The following B3GALT1 variants were observed in gnomAD, a reference collection of about 807,000 sequenced individuals.
B3GALT1 encodes the protein beta-1,3-galactosyltransferase 1.
A neutral mutation model predicts 23.2 loss-of-function variants in B3GALT1; 10 were observed. The observed-to-expected ratio is 0.43, with a 90% CI of 0.27 to 0.73. The LOEUF (loss-of-function observed/expected upper bound fraction) is 0.73, where lower values mean the gene tolerates loss of function less well. Ranked by LOEUF, B3GALT1 falls within the 30% of genes least tolerant of loss-of-function variation. The pLI, the probability that B3GALT1 is intolerant of heterozygous loss-of-function variation, is 0.21. For synonymous variants in B3GALT1, 156 were observed against 141.5 expected (o/e 1.10, Z -0.73); for missense variants, 299 against 405.4 (o/e 0.74, Z 2.25).
intron 2 of B3GALT1, among the ~76,000 whole-genome samples, chr2:167,575,276 G>A (rs929517733): frequency 2.0e-5 from 3 of 151,578 alleles, no homozygotes; most frequent in Admixed American, 6.6e-5. Context: ...TTACAGTCTG[G>A]GCTTAAGCCT....
chr2:167,446,439 G>C (rs956671960), intron 1 of B3GALT1, among the ~76,000 whole-genome samples: 4 of 152,170 alleles, frequency 2.6e-5, no homozygotes, highest in Non-Finnish European at 5.9e-5. Context: ...AGTTCTCCTG[G>C]ATAATATCGT....
intron 2 of B3GALT1, among the ~76,000 whole-genome samples, chr2:167,540,108 T>C (rs1025843977): frequency 1.3e-5 from 2 of 152,234 alleles, no homozygotes; most frequent in Admixed American, 1.3e-4. Context: ...CCCAAGAGAA[T>C]TCTGCATATT....
chr2:167,721,438 A>T (rs553539637), intron 3 of B3GALT1, among the ~76,000 whole-genome samples: 20 of 152,342 alleles, frequency 1.3e-4, no homozygotes, highest in Admixed American at 1.1e-3. Context: ...CAGAAACAGA[A>T]AATAGCCATA....
chr2:167,622,432 A>G (rs1212097737), intron 2 of B3GALT1, among the ~76,000 whole-genome samples: 5 of 152,136 alleles, frequency 3.3e-5, no homozygotes, highest in Non-Finnish European at 7.4e-5. Flanking sequence ...ACAAAAGGCA[A>G]TGCCCTGAGG....
intron 4 of B3GALT1, among the ~76,000 whole-genome samples, chr2:167,827,675 T>C (rs915116807): frequency 1.3e-5 from 2 of 152,178 alleles, no homozygotes; most frequent in Non-Finnish European, 2.9e-5. Context: ...TGGCCTCGGA[T>C]GCTCTATATC....
At chr2:167,580,716 G>C (rs1684469564) in intron 2 of B3GALT1, among the ~76,000 whole-genome samples, 1 of 152,114 alleles carries the variant, frequency 6.6e-6, no homozygotes, top group African/African-American at 2.4e-5. Context: ...CCAACATCCA[G>C]GATGAAGGAA....
chr2:167,370,496 C>CA (rs1437058488), intron 1 of B3GALT1, among the ~76,000 whole-genome samples: 1 of 152,168 alleles, frequency 6.6e-6, no homozygotes, highest in Admixed American at 6.5e-5. Flanking sequence ...CCAGCATACA[C>CA]AGACGCAGGC....
chr2:167,714,197 T>C (rs1687106910), intron 3 of B3GALT1: 1 of 1,513,708 alleles, frequency 6.6e-7, no homozygotes, highest in South Asian at 1.1e-5. Flanking sequence ...AAATCTGTCT[T>C]CCCTTTGTGG....
intron 1 of B3GALT1, among the ~76,000 whole-genome samples, chr2:167,400,399 CT>C (rs2105288672): frequency 6.6e-6 from 1 of 152,062 alleles, no homozygotes; most frequent in East Asian, 1.9e-4. Flanking sequence ...TGAATAAATT[CT>C]ATTCATTTTT....
At chr2:167,434,606 C>T (rs1308743625) in intron 1 of B3GALT1, among the ~76,000 whole-genome samples, 1 of 151,686 alleles carries the variant, frequency 6.6e-6, no homozygotes, top group East Asian at 1.9e-4. Flanking sequence ...ATAAATCGTC[C>T]CCAGTTTATA....
chr2:167,644,003 G>A (rs1031518908), intron 2 of B3GALT1, among the ~76,000 whole-genome samples: 1 of 152,104 alleles, frequency 6.6e-6, no homozygotes, highest in African/African-American at 2.4e-5. Context: ...GATTAGCAGT[G>A]CAGACAAGAG....
chr2:167,634,739 C>T (rs1685517423), intron 2 of B3GALT1, among the ~76,000 whole-genome samples: 1 of 152,042 alleles, frequency 6.6e-6, no homozygotes, highest in South Asian at 2.1e-4. Flanking sequence ...AATCCCAGGT[C>T]CAGATGGATT....
At chr2:167,300,179 A>G (rs1696422715) in intron 1 of B3GALT1, among the ~76,000 whole-genome samples, 2 of 152,330 alleles carry the variant, frequency 1.3e-5, no homozygotes, top group South Asian at 4.1e-4. Flanking sequence ...TGCTGGGATT[A>G]CAGGCATGAG....
intron 1 of B3GALT1, among the ~76,000 whole-genome samples, chr2:167,426,331 G>A (rs953579433): frequency 2.7e-5 from 4 of 150,636 alleles, no homozygotes; most frequent in Non-Finnish European, 5.9e-5. Context: ...CTGGAGCGCA[G>A]TGGTGCAATC....
At chr2:167,596,446 A>C (rs1020823765) in intron 2 of B3GALT1, among the ~76,000 whole-genome samples, 1 of 152,218 alleles carries the variant, frequency 6.6e-6, no homozygotes, top group Non-Finnish European at 1.5e-5. Flanking sequence ...GCACAACCTT[A>C]GAACAGGTAC....
intron 2 of B3GALT1, among the ~76,000 whole-genome samples, chr2:167,556,509 T>C (rs566661638): frequency 6.6e-6 from 1 of 152,282 alleles, no homozygotes; most frequent in East Asian, 1.9e-4. Flanking sequence ...GAGGAAGCCT[T>C]TCTCATGTTA....
intron 1 of B3GALT1, among the ~76,000 whole-genome samples, chr2:167,347,886 A>G (rs1574042667): frequency 6.6e-6 from 1 of 152,196 alleles, no homozygotes; most frequent in Non-Finnish European, 1.5e-5. Context: ...ATGTATTAAT[A>G]TCTTCAGAAA....
intron 3 of B3GALT1, among the ~76,000 whole-genome samples, chr2:167,798,954 G>A (rs1475628561): frequency 6.6e-6 from 1 of 152,178 alleles, no homozygotes; most frequent in Non-Finnish European, 1.5e-5. Flanking sequence ...GTCATTCCCA[G>A]TAGATACCAC....
chr2:167,682,610 G>A (rs193185235), intron 3 of B3GALT1, among the ~76,000 whole-genome samples: 36 of 152,294 alleles, frequency 2.4e-4, no homozygotes, highest in African/African-American at 7.7e-4. Flanking sequence ...AAGCCAAGCC[G>A]TCCCGAGATT....
Sources: gnomAD v4.1 joint callset for allele counts (sites outside exome capture counted in the v4.1 genomes callset) on GRCh38, gnomAD v4.1.1 for gene constraint, MANE v1.5 for transcripts, NCBI Gene and HGNC (gene_info 2026-07-23, HGNC 2026-07-21) for gene names.